The following ROBO3 variants were observed in gnomAD, a reference collection of about 807,000 sequenced individuals.
ROBO3 encodes roundabout homolog 3.
Under a neutral mutation model 160.5 loss-of-function variants are expected in ROBO3, and 97 were observed. The observed-to-expected ratio is 0.60, with a 90% CI of 0.51 to 0.72. ROBO3 has a LOEUF of 0.72. Among genes scored for constraint, ROBO3 ranks in the 30% least tolerant of loss-of-function variants. The pLI is 0.00. For missense variants in ROBO3, 1,858 were observed against 1,846.5 expected, an observed-to-expected ratio of 1.01 and a Z score of -0.11; for synonymous variants, 780 against 746.2, an observed-to-expected ratio of 1.05 and a Z score of -0.74.
At chr11:124,868,374 C>T in intron 1 of ROBO3, 1 of 389,496 alleles carries the variant, frequency 2.6e-6, no homozygotes, top group South Asian at 3.9e-5. Context: ...GGCTCCAGTG[C>T]ACGGTTTATG....
chr11:124,874,313 C>T (rs1946320790), intron 12 of ROBO3, 77 bp downstream of exon 12: 1 of 1,346,872 alleles, frequency 7.4e-7, no homozygotes, highest in Admixed American at 2.1e-5. Flanking sequence ...AACCATGACA[C>T]CACGGCAGTT....
intron 4 of ROBO3, 24 bp from the exon 5 acceptor site, chr11:124,870,141 T>G (rs568098951): frequency 3.7e-5 from 59 of 1,613,910 alleles, no homozygotes; most frequent in Non-Finnish European, 4.8e-5. Flanking sequence ...ACACCCTGAC[T>G]GTTCACTCAC....
In ROBO3 at chr11:124,871,004, C is replaced by T; in HGVS notation, c.1034-10C>T. On this transcript the variant is annotated splice_polypyrimidine_tract_variant and intron_variant, in intron 6 of 27. Coordinates refer to ENST00000397801, the MANE Select transcript of ROBO3 (RefSeq NM_022370.4). ...ACTACCTGTTCCTTTTTCTCACCTGCCCTTCCCAGTCCCACCCCAGTTGGT... is the reference window on the plus strand; with the variant it reads ...ACTACCTGTTCCTTTTTCTCACCTGTCCTTCCCAGTCCCACCCCAGTTGGT... 3 of 1,603,146 alleles carry T rather than the reference C, an allele frequency of 1.9e-6. No homozygotes were observed. The highest frequency in any genetic ancestry group is 2.6e-6 in the Non-Finnish European group (3 of 1,171,550).
chr11:124,874,505 C>T (rs1247096706), intron 12 of ROBO3, among the ~76,000 whole-genome samples: 1 of 152,084 alleles, frequency 6.6e-6, no homozygotes, highest in Non-Finnish European at 1.5e-5. Flanking sequence ...AGCCTTTTAC[C>T]CATAGATAAT....
In ROBO3 at chr11:124,870,669, C is replaced by G. The variant is rs1256447952; in HGVS notation, c.974C>G (p.Thr325Ser). The change falls in exon 6 of 28, where the codon ACC (threonine) becomes AGC (serine). Residue 325 changes from threonine (T) to serine (S), a missense_variant. Thr to Ser is a moderately conservative substitution (Grantham distance 58, BLOSUM62 1). Coordinates refer to ENST00000397801, the MANE Select transcript of ROBO3 (RefSeq NM_022370.4). ...AGTGCCGAAGATGAGGGAACGTACACCTGTGTGGCGGAGAACAGTGTGGGC... is the reference window on the plus strand; with the variant it reads ...AGTGCCGAAGATGAGGGAACGTACAGCTGTGTGGCGGAGAACAGTGTGGGC... ...HVSAEDEGTY[T>S]CVAENSVGRA... 2 of 1,613,256 alleles carry G rather than the reference C, an allele frequency of 1.2e-6. No individual in the cohort carries two copies. Among genetic ancestry groups the G allele is most frequent in the African/African-American group, 2.7e-5 (2 of 75,010 alleles).
chr11:124,871,287 T>G, intron 7 of ROBO3, 149 bp downstream of exon 7: 1 of 936,050 alleles, frequency 1.1e-6, no homozygotes, highest in Non-Finnish European at 1.5e-6. Context: ...GAGGATTAAG[T>G]AAGATAATGA....
chr11:124,880,689 G>A (rs1427708352), intron 27 of ROBO3, 81 bp downstream of exon 27: 16 of 1,449,232 alleles, frequency 1.1e-5, no homozygotes, highest in Non-Finnish European at 1.4e-5. Context: ...ACAGGAAGGT[G>A]GGCAAGGGCT....
Position 124,880,606 on chromosome 11 carries a change from G to A in ROBO3, c.4147G>A (p.Glu1383Lys). Residue 1383 changes from glutamate to lysine, a missense_variant and splice_region_variant, in exon 27 of 28, where the codon GAG becomes AAG. By Grantham distance (56) the Glu-to-Lys change is moderately conservative. Coordinates refer to ENST00000397801, the MANE Select transcript of ROBO3 (RefSeq NM_022370.4). ...QSQRPGQKRR[E>K]EPR ...CCAAAGGCCAGGACAGAAACGCCGA[G>A]AGGTAGGGGCCATAGATTGCAGAAA... is the stretch of plus-strand genomic sequence containing the variant. 6.5e-7 allele frequency: 1 copy of A among 1,542,662 alleles called. No individual in the cohort carries two copies. The highest frequency in any genetic ancestry group is 1.2e-5 in the South Asian group (1 of 83,534).
rs1015928624 is a variant in ROBO3 at position 124,873,648 on chromosome 11, G to C, written c.1619-49G>C. On this transcript the variant is annotated intron_variant, in intron 10 of 27. Coordinates refer to ENST00000397801, the MANE Select transcript of ROBO3 (RefSeq NM_022370.4). This position sits in a 1 kb window ranked among gnomAD's most constrained non-coding sequence, Gnocchi z 4.5. ...CCTGGTAAGGAGACAGGTTACACTA[G>C]GATTATCCTTTCCCTATCTTTCTAC... is the stretch of plus-strand genomic sequence containing the variant. 8.5e-6 allele frequency: 13 copies of C among 1,532,916 alleles called. No individual in the cohort carries two copies. Among genetic ancestry groups the C allele is most frequent in the Middle Eastern group, 1.7e-4 (1 of 5,856 alleles). 95.0% of individuals were successfully genotyped at this position (1,532,916 alleles called of 1,614,324 possible).
chr11:124,865,721 C>A lies in ROBO3; in HGVS notation c.144C>A (p.Gly48=), dbSNP rs1437366906. The part of the protein sequence containing the change: ...AALNHTLLPP[G]DPSLNGSRVG... Reference sequence around the variant, plus strand: ...TCAACCACACCCTGCTGCCTCCCGGCGATCCCTCTCTCAACGGTGAGACCC... The same window carrying A: ...TCAACCACACCCTGCTGCCTCCCGGAGATCCCTCTCTCAACGGTGAGACCC... Residue 48 remains glycine (G), a synonymous_variant, in exon 1 of 28, where the codon GGC becomes GGA. Coordinates refer to ENST00000397801, the MANE Select transcript of ROBO3 (RefSeq NM_022370.4). The surrounding 1 kb of genome is among the most constrained non-coding windows in gnomAD (Gnocchi z 5.5). The A allele has an allele frequency of 1.2e-5, 20 of 1,608,954 alleles. No individual in the cohort carries two copies. Among genetic ancestry groups the A allele is most frequent in the Non-Finnish European group, 2.5e-6 (3 of 1,178,466 alleles).
chr11:124,877,059 G>A, intron 17 of ROBO3, 102 bp from the exon 18 acceptor site: 1 of 1,305,912 alleles, frequency 7.7e-7, no homozygotes, highest in Non-Finnish European at 1.1e-6. Flanking sequence ...AGCCTGAGTG[G>A]TGGAACTGGG....
At position 124,876,752 on chromosome 11, in the gene ROBO3, C is replaced by G. The variant is rs1289110152; in HGVS notation, c.2779+292C>G. The G allele has an allele frequency of 4.5e-6, 2 of 440,176 alleles. No homozygotes were observed. The highest frequency in any genetic ancestry group is 2.1e-5 in the African/African-American group (1 of 47,138). The allele number at this position is 440,176 out of a possible 1,614,324, so 27.3% of individuals were successfully genotyped here. Reference sequence around the variant, plus strand: ...CATAAAGAAGGGGCAAGTTCGAGGACGGAAAGCCCACTCAAAGGGCGGGGG... The same window carrying G: ...CATAAAGAAGGGGCAAGTTCGAGGAGGGAAAGCCCACTCAAAGGGCGGGGG... On this transcript the variant is annotated intron_variant, in intron 17 of 27. Transcript: ENST00000397801. The surrounding 1 kb of genome is among the most constrained non-coding windows in gnomAD (Gnocchi z 5.3).
Position 124,872,897 on chromosome 11 carries a change from G to C in ROBO3, c.1344G>C (p.Gly448=), listed in dbSNP as rs748415410. 9 of 1,605,536 alleles carry C rather than the reference G, an allele frequency of 5.6e-6. No homozygotes were observed. The East Asian group carries it at 2.0e-4, about 36-fold the overall frequency. The change falls in exon 9 of 28, where the codon GGG becomes GGC. Residue 448 remains glycine, a synonymous_variant. Transcript: ENST00000397801. This position sits in a 1 kb window ranked among gnomAD's most constrained non-coding sequence, Gnocchi z 4.3. ...TTCCTCTCTCAGCCTCTTTGGATGGGCTGCCTCCTGTCATCCTCCAGGGAC... is the reference window on the plus strand; with the variant it reads ...TTCCTCTCTCAGCCTCTTTGGATGGCCTGCCTCCTGTCATCCTCCAGGGAC... The part of the protein sequence containing the change: ...LLEIKGASLD[G]LPPVILQGPA...
intron 27 of ROBO3, 82 bp downstream of exon 27, chr11:124,880,690 G>A (rs1190684151): frequency 6.9e-7 from 1 of 1,449,180 alleles, no homozygotes; most frequent in African/African-American, 1.4e-5. Context: ...CAGGAAGGTG[G>A]GCAAGGGCTT....
Position 124,876,877 on chromosome 11 carries a change from G to C in ROBO3, c.2780-284G>C. The C allele has an allele frequency of 3.5e-6, 2 of 574,340 alleles. No homozygotes were observed. Among genetic ancestry groups the C allele is most frequent in the South Asian group, 4.5e-5 (2 of 44,126 alleles). 35.6% of individuals were successfully genotyped at this position (574,340 alleles called of 1,614,324 possible). A position where few individuals can be genotyped will look rare whatever the true frequency, so the allele number is the denominator to read the frequency against. On this transcript the variant is annotated intron_variant, in intron 17 of 27. Transcript: ENST00000397801. The surrounding 1 kb of genome is among the most constrained non-coding windows in gnomAD (Gnocchi z 5.3). Reference sequence around the variant, plus strand: ...GGGGCCCGCTGAAAGAAGGCGATCCGAGTTCTGCTACTTCCTAGTAAGGGA... The same window carrying C: ...GGGGCCCGCTGAAAGAAGGCGATCCCAGTTCTGCTACTTCCTAGTAAGGGA...
In ROBO3 at chr11:124,875,265, A is replaced by C; in HGVS notation, c.2228A>C (p.Lys743Thr). ...CCTCCAGGGACCCAAATCCAGATCA[A>C]GGTGCAAGCCCAAGGCCAGGAGGGG... ...GLPPGTQIQIKVQAQGQEGLG... is the reference protein window; with the variant it reads ...GLPPGTQIQITVQAQGQEGLG... The change falls in exon 14 of 28, where the codon AAG becomes ACG. Residue 743 changes from lysine to threonine, a missense_variant. Coordinates refer to ENST00000397801, the MANE Select transcript of ROBO3 (RefSeq NM_022370.4). 6.2e-7 allele frequency: 1 copy of C among 1,612,780 alleles called. No individual in the cohort carries two copies. Among genetic ancestry groups the C allele is most frequent in the Non-Finnish European group, 8.5e-7 (1 of 1,179,358 alleles).
chr11:124,878,534 G>T lies in ROBO3; in HGVS notation c.3321-50G>T. Reference sequence around the variant, plus strand: ...GGGCAGCAGGAAGGCCAACGGGAAGGTATGGAAGCAGCTGAGCCCTTTCCT... The same window carrying T: ...GGGCAGCAGGAAGGCCAACGGGAAGTTATGGAAGCAGCTGAGCCCTTTCCT... On this transcript the variant is annotated intron_variant, in intron 22 of 27. Transcript: ENST00000397801. This position sits in a 1 kb window ranked among gnomAD's most constrained non-coding sequence, Gnocchi z 4.3. 1.9e-6 allele frequency: 3 copies of T among 1,604,762 alleles called. No homozygotes were observed. The highest frequency in any genetic ancestry group is 2.2e-5 in the East Asian group (1 of 44,738).
At position 124,869,355 on chromosome 11, in the gene ROBO3, G is replaced by A; in HGVS notation, c.488-95G>A. On this transcript the variant is annotated intron_variant, in intron 2 of 27. Transcript: ENST00000397801. The surrounding 1 kb of genome is among the most constrained non-coding windows in gnomAD (Gnocchi z 4.2). Reference sequence around the variant, plus strand: ...CTGGGAACGAATTCCAGTCTGCAGCGATCAACCCCTTCCCAAGACAACACT... The same window carrying A: ...CTGGGAACGAATTCCAGTCTGCAGCAATCAACCCCTTCCCAAGACAACACT... The A allele has an allele frequency of 8.0e-7, 1 of 1,247,534 alleles. No individual in the cohort carries two copies. Among genetic ancestry groups the A allele is most frequent in the South Asian group, 1.3e-5 (1 of 78,494 alleles). 77.3% of individuals were successfully genotyped at this position (1,247,534 alleles called of 1,614,324 possible).
At chr11:124,875,430 G>A (rs1946343501) in intron 14 of ROBO3, 94 bp downstream of exon 14, 8 of 1,579,574 alleles carry the variant, frequency 5.1e-6, no homozygotes, top group Non-Finnish European at 6.9e-6. Context: ...GAGGAGAGCA[G>A]GGTGAGTGGG....
Sources: allele counts gnomAD v4.1 joint callset (sites outside exome capture counted in the v4.1 genomes callset), GRCh38; gene constraint gnomAD v4.1.1; non-coding constraint Gnocchi (gnomAD v3.1); transcripts MANE v1.5; gene names NCBI Gene and HGNC (gene_info 2026-07-23, HGNC 2026-07-21).